ZNF529: variants seen among roughly 807,000 people sequenced by gnomAD.
ZNF529 encodes zinc finger protein 529.
A neutral mutation model predicts 10.1 loss-of-function variants in ZNF529; 11 were observed. That is an observed-to-expected ratio of 1.09 (90% CI 0.69 to 1.81). The LOEUF is 1.81. Among genes scored for constraint, ZNF529 ranks in the 40% most tolerant of loss-of-function variants. ZNF529 has a pLI of 0.00. For missense variants in ZNF529, 624 were observed against 666.8 expected (o/e 0.94, Z 0.71); for synonymous variants, 204 against 215.7 (o/e 0.95, Z 0.47).
chr19:36,558,685 T>C (rs1213199684), intron 2 of ZNF529, among the ~76,000 whole-genome samples: 1 of 152,094 alleles, frequency 6.6e-6, no homozygotes. Context: ...ATAAAAATCC[T>C]AGAAGAAAAC....
intron 1 of ZNF529, among the ~76,000 whole-genome samples, chr19:36,596,390 C>A (rs1404053499): frequency 1.3e-5 from 2 of 151,824 alleles, no homozygotes; most frequent in Admixed American, 1.3e-4. Context: ...AAACTTTTAT[C>A]ATTATGAGCT....
chr19:36,547,252 C>T lies in ZNF529; in HGVS notation c.1306G>A (p.Glu436Lys). ...ECEKAFGVGS[E>K]LTRHERIHSG... ...TGAATTCTTTCATGTCGAGTAAGTT[C>T]ACTACCTACTCCAAATGCTTTCTCA... Residue 436 changes from glutamate (E) to lysine (K), a missense_variant, in exon 5 of 5, where the codon GAA becomes AAA. Coordinates refer to ENST00000591340, the MANE Select transcript of ZNF529 (RefSeq NM_020951.5). 6.2e-7 allele frequency: 1 copy of T among 1,613,688 alleles called. No homozygotes were observed. The highest frequency in any genetic ancestry group is 8.5e-7 in the Non-Finnish European group (1 of 1,179,782).
chr19:36,556,223 A>G (rs572916104), intron 2 of ZNF529, 26 bp from the exon 3 acceptor site: 1 of 868,512 alleles, frequency 1.2e-6, no homozygotes, highest in East Asian at 2.6e-5. Flanking sequence ...TTTAAGAAAG[A>G]ACCACCATTA....
At chr19:36,571,578 G>A (rs1312899998) in intron 2 of ZNF529, among the ~76,000 whole-genome samples, 1 of 151,852 alleles carries the variant, frequency 6.6e-6, no homozygotes, top group Non-Finnish European at 1.5e-5. Flanking sequence ...GGGAGGCTGA[G>A]GCAGGAGACT....
chr19:36,580,375 A>G (rs1394886868), intron 2 of ZNF529: 1 of 152,202 alleles, frequency 6.6e-6, no homozygotes, highest in Non-Finnish European at 1.5e-5. Flanking sequence ...ATTACGTACT[A>G]TACATAATTG....
At chr19:36,568,076 A>T (rs931005979) in intron 2 of ZNF529, among the ~76,000 whole-genome samples, 1 of 152,332 alleles carries the variant, frequency 6.6e-6, no homozygotes, top group African/African-American at 2.4e-5. Context: ...GCTGAAAATC[A>T]TTAGACAATA....
chr19:36,561,191 C>T (rs2035679127), intron 2 of ZNF529, among the ~76,000 whole-genome samples: 1 of 152,088 alleles, frequency 6.6e-6, no homozygotes, highest in Admixed American at 6.5e-5. Flanking sequence ...CCGGGGCTGC[C>T]TCAAGTCTCT....
intron 4 of ZNF529, among the ~76,000 whole-genome samples, chr19:36,551,505 CTT>C (rs1396841692): frequency 1.3e-5 from 2 of 152,066 alleles, no homozygotes; most frequent in African/African-American, 4.8e-5. Context: ...CATAATGAGA[CTT>C]AATAGAAGGT....
At chr19:36,565,816 A>ATG (rs2035876453) in intron 2 of ZNF529, among the ~76,000 whole-genome samples, 2 of 152,230 alleles carry the variant, frequency 1.3e-5, no homozygotes, top group African/African-American at 2.4e-5. Flanking sequence ...TTAAAAGACT[A>ATG]ACGTGTAAAA....
At chr19:36,598,093 G>A (rs1020316144) in intron 1 of ZNF529, among the ~76,000 whole-genome samples, 1 of 152,190 alleles carries the variant, frequency 6.6e-6, no homozygotes, top group Non-Finnish European at 1.5e-5. Context: ...CACGAGAGCT[G>A]CACAGCCAGT....
chr19:36,585,072 T>C (rs888023165), intron 2 of ZNF529, among the ~76,000 whole-genome samples: 4 of 152,134 alleles, frequency 2.6e-5, no homozygotes, highest in African/African-American at 9.7e-5. Flanking sequence ...TCTTGGAAGA[T>C]GAAGTCTGAC....
intron 1 of ZNF529, among the ~76,000 whole-genome samples, chr19:36,602,343 GCCAC>G (rs1474764433): frequency 1.3e-5 from 2 of 152,038 alleles, no homozygotes; most frequent in Admixed American, 6.6e-5. Flanking sequence ...ACCGCGCCTG[GCCAC>G]CTCCACAAAT....
In ZNF529 at chr19:36,560,102, A is replaced by C. The variant is rs549821621; in HGVS notation, c.15-3905T>G. On this transcript the variant is annotated intron_variant, in intron 2 of 4. Transcript: ENST00000591340. ...GGAAAAACCTGGTCTCTACTGAAAT[A>C]AAAAATTAGCCGGGTGTGGTGATGC... Among the ~76,000 whole-genome samples the C allele has an allele frequency of 2.0e-5, 3 of 152,082 alleles. No homozygotes were observed. The South Asian group carries it at 6.2e-4, about 32-fold the overall frequency.
upstream of ZNF529, chr19:36,573,487 T>C (rs2036227404): frequency 6.4e-6 from 3 of 470,872 alleles, no homozygotes; most frequent in South Asian, 4.6e-5. Context: ...GCGCGTCCCC[T>C]AGGCGCGGAA....
intron 4 of ZNF529, among the ~76,000 whole-genome samples, chr19:36,549,574 T>TA (rs2035183250): frequency 1.3e-5 from 2 of 152,220 alleles, no homozygotes; most frequent in South Asian, 4.1e-4. Flanking sequence ...TACAGTAAGA[T>TA]ACATAAATAT....
chr19:36,554,561 G>C lies in ZNF529; in HGVS notation c.235+109C>G, dbSNP rs546835494. The stretch of plus-strand genomic sequence containing the variant: ...TCACTGCACTCCAACCTGGGTGACA[G>C]AGTGAGACTCCATCTCATAAACAAA... On this transcript the variant is annotated intron_variant, in intron 4 of 4. Transcript: ENST00000591340. 3.2e-6 allele frequency: 3 copies of C among 942,850 alleles called. No individual in the cohort carries two copies. The African/African-American group carries it at 5.1e-5, about 16-fold the overall frequency. The allele number at this position is 942,850 out of a possible 1,614,324, so 58.4% of individuals were successfully genotyped here. A position where few individuals can be genotyped will look rare whatever the true frequency, so the allele number is the denominator to read the frequency against.
upstream of ZNF529, among the ~76,000 whole-genome samples, chr19:36,575,588 TA>T (rs1042358897): frequency 3.3e-5 from 5 of 152,224 alleles, no homozygotes; most frequent in Admixed American, 1.3e-4. Flanking sequence ...TTGTAGTAAT[TA>T]AAATAGTCAT....
At chr19:36,602,081 A>G (rs2036932789) in intron 1 of ZNF529, among the ~76,000 whole-genome samples, 1 of 138,230 alleles carries the variant, frequency 7.2e-6, no homozygotes, top group African/African-American at 2.8e-5. Context: ...ATGGATTCTC[A>G]CTGTCTCCCA....
At chr19:36,601,783 C>G (rs979016819) in intron 1 of ZNF529, among the ~76,000 whole-genome samples, 1 of 151,782 alleles carries the variant, frequency 6.6e-6, no homozygotes, top group African/African-American at 2.4e-5. Flanking sequence ...TTAGCAAAAC[C>G]TTAGATTTTA....
Sources: gnomAD v4.1 joint callset for allele counts (sites outside exome capture counted in the v4.1 genomes callset) on GRCh38, gnomAD v4.1.1 for gene constraint, MANE v1.5 for transcripts, NCBI Gene and HGNC (gene_info 2026-07-23, HGNC 2026-07-21) for gene names.